SLC35F4: variants seen among roughly 807,000 people sequenced by gnomAD.
SLC35F4 encodes the protein chromosome 14 open reading frame 36.
In SLC35F4, 24 loss-of-function variants were observed where a neutral mutation model predicts 44.2. That is an observed-to-expected ratio of 0.54 (90% CI 0.39 to 0.76). The LOEUF (loss-of-function observed/expected upper bound fraction) is 0.76, where lower values mean the gene tolerates loss of function less well. Ranked by LOEUF, SLC35F4 falls within the 30% of genes least tolerant of loss-of-function variation. The probability of loss-of-function intolerance (pLI) is 0.00; values close to 1 mark genes in which losing one functional copy is unlikely to be tolerated. For missense variants in SLC35F4, 562 were observed against 586.1 expected (o/e 0.96, Z 0.42); for synonymous variants, 238 against 223.6 (o/e 1.06, Z -0.57).
At chr14:57,767,644 C>A (rs2077265952) in intron 1 of SLC35F4, among the ~76,000 whole-genome samples, 1 of 151,152 alleles carries the variant, frequency 6.6e-6, no homozygotes. Context: ...AAAATAAATC[C>A]AAGCAAATAT....
chr14:57,786,317 G>C (rs1165345274), intron 1 of SLC35F4, among the ~76,000 whole-genome samples: 5 of 152,056 alleles, frequency 3.3e-5, no homozygotes, highest in Admixed American at 2.0e-4. Context: ...CCCACCTAAT[G>C]GTCCTTCCCT....
At chr14:57,877,893 C>T (rs545956589) in intron 1 of SLC35F4, among the ~76,000 whole-genome samples, 11 of 151,942 alleles carry the variant, frequency 7.2e-5, no homozygotes, top group African/African-American at 2.7e-4. Flanking sequence ...CCATGTTGGC[C>T]AGGCTGGTCT....
chr14:57,944,908 G>A (rs949174164), intron 1 of SLC35F4, among the ~76,000 whole-genome samples: 1 of 152,190 alleles, frequency 6.6e-6, no homozygotes, highest in Non-Finnish European at 1.5e-5. Flanking sequence ...CACAAAGGCT[G>A]TACAACCTTA....
At chr14:57,809,756 G>C (rs1160197340) in intron 1 of SLC35F4, among the ~76,000 whole-genome samples, 1 of 152,154 alleles carries the variant, frequency 6.6e-6, no homozygotes, top group South Asian at 2.1e-4. Flanking sequence ...GCCCCACACG[G>C]CTTGATTATT....
At position 57,633,666 on chromosome 14, in the gene SLC35F4, C is replaced by G. The variant is rs181519822; in HGVS notation, c.104-39542G>C. ...AACAGTTTCATCACCCCCAAACTCT[C>G]TCACGCTTTCCCTTTTTAGTCTCCC... On this transcript the variant is annotated intron_variant, in intron 1 of 7. Coordinates refer to ENST00000556826, the MANE Select transcript of SLC35F4 (RefSeq NM_001306087.2). Among the ~76,000 whole-genome samples the G allele has an allele frequency of 5.9e-5, 9 of 152,222 alleles. No homozygotes were observed. In the East Asian group the frequency reaches 1.2e-3, roughly 20 times the overall value.
At chr14:57,951,884 T>C (rs1436157723) in intron 1 of SLC35F4, among the ~76,000 whole-genome samples, 3 of 152,212 alleles carry the variant, frequency 2.0e-5, no homozygotes, top group Non-Finnish European at 4.4e-5. Context: ...TGTTTCTGCC[T>C]GCCAGCTCTG....
chr14:57,946,038 G>A (rs545169558), intron 1 of SLC35F4, among the ~76,000 whole-genome samples: 54 of 152,210 alleles, frequency 3.5e-4, no homozygotes, highest in South Asian at 1.7e-3. Context: ...TTTGTTGGAC[G>A]CATAGTTTGC....
intron 1 of SLC35F4, among the ~76,000 whole-genome samples, chr14:57,709,910 T>C (rs1335934727): frequency 6.6e-6 from 1 of 152,152 alleles, no homozygotes; most frequent in African/African-American, 2.4e-5. Flanking sequence ...GTTTGGAGAA[T>C]TTACAGCCTG....
At chr14:57,641,215 G>A (rs79583392) in intron 1 of SLC35F4, among the ~76,000 whole-genome samples, 2,844 of 151,890 alleles carry the variant, frequency 0.019, 103 homozygotes, top group African/African-American at 0.065. Context: ...TCAGAGGAAC[G>A]ATGATCATAA....
chr14:57,937,489 T>A (rs1889819048), intron 1 of SLC35F4, among the ~76,000 whole-genome samples: 1 of 150,232 alleles, frequency 6.7e-6, no homozygotes. Flanking sequence ...GAGGTCATAA[T>A]AATAGGTTAT....
rs539864245 is a variant in SLC35F4, at chr14:57,606,614, A to T, written c.104-12490T>A. Among the ~76,000 whole-genome samples, 20 of 152,348 alleles carry T rather than the reference A, an allele frequency of 1.3e-4. No homozygotes were observed. The East Asian group carries it at 3.9e-3, about 29-fold the overall frequency. On this transcript the variant is annotated intron_variant, in intron 1 of 7. Coordinates refer to ENST00000556826, the MANE Select transcript of SLC35F4 (RefSeq NM_001306087.2). ...CTTATTTACCTACATACAAGTGTAT[A>T]CAAAGAGTACTAAAATCCTTATGGA... is the stretch of plus-strand genomic sequence containing the variant.
rs2076874412 is a variant in SLC35F4, at chr14:57,751,103, TATTTC to T, written c.103+114615_103+114619del. On this transcript the variant is annotated intron_variant, in intron 1 of 7. Transcript: ENST00000556826. ...CATGGGGCAGGGACTTTATGTAAATTATTTCATTTAACTCATAAAAACTACATAAA... is the reference window on the plus strand; with the variant it reads ...CATGGGGCAGGGACTTTATGTAAATTATTTAACTCATAAAAACTACATAAA... Among the ~76,000 whole-genome samples, 3 of 152,300 alleles carry T rather than the reference TATTTC, an allele frequency of 2.0e-5. No individual in the cohort carries two copies. The South Asian group carries it at 6.2e-4, about 32-fold the overall frequency.
Position 57,858,314 on chromosome 14 carries a change from A to G in SLC35F4, c.103+7409T>C, listed in dbSNP as rs528643291. Among the ~76,000 whole-genome samples the G allele has an allele frequency of 3.7e-3, 559 of 152,190 alleles. 9 individuals are homozygous for G. The highest frequency in any genetic ancestry group is 0.012 in the African/African-American group (509 of 41,426). ...ATAAATGATAGACTGGATTAAGAAA[A>G]TGTGGCACATATACACCATGGAATA... On this transcript the variant is annotated intron_variant, in intron 1 of 7. Coordinates refer to ENST00000556826, the MANE Select transcript of SLC35F4 (RefSeq NM_001306087.2).
chr14:57,865,665 C>T, intron 1 of SLC35F4, 58 bp downstream of exon 1: 1 of 1,417,072 alleles, frequency 7.1e-7, no homozygotes, highest in Non-Finnish European at 9.4e-7. Context: ...CCCCGCGGCA[C>T]CCCTGCGCGC....
chr14:57,939,574 A>T (rs1442856320), intron 1 of SLC35F4, among the ~76,000 whole-genome samples: 1 of 152,222 alleles, frequency 6.6e-6, no homozygotes, highest in Non-Finnish European at 1.5e-5. Flanking sequence ...ACAACATTTT[A>T]GAAAAGAAAT....
chr14:57,725,544 T>C (rs1185472912), intron 1 of SLC35F4, among the ~76,000 whole-genome samples: 1 of 152,228 alleles, frequency 6.6e-6, no homozygotes, highest in Non-Finnish European at 1.5e-5. Context: ...TCTGCCATTA[T>C]GGTATTCCAC....
At chr14:57,849,406 C>G (rs926142707) in intron 1 of SLC35F4, among the ~76,000 whole-genome samples, 1 of 152,170 alleles carries the variant, frequency 6.6e-6, no homozygotes, top group Non-Finnish European at 1.5e-5. Context: ...AGGTGATCCA[C>G]CTGCCTCGGC....
intron 1 of SLC35F4, among the ~76,000 whole-genome samples, chr14:57,952,376 T>C (rs376802468): frequency 9.5e-4 from 144 of 152,240 alleles, no homozygotes; most frequent in African/African-American, 3.1e-3. Context: ...AGAATGCCTC[T>C]TCTCCTCCAA....
At chr14:57,871,849 A>T (rs936928035) in intron 1 of SLC35F4, among the ~76,000 whole-genome samples, 3 of 152,242 alleles carry the variant, frequency 2.0e-5, no homozygotes, top group Admixed American at 6.5e-5. Flanking sequence ...TCTGATACAT[A>T]CAAAGTAAAG....
Sources: allele counts gnomAD v4.1 joint callset (sites outside exome capture counted in the v4.1 genomes callset), GRCh38; gene constraint gnomAD v4.1.1; transcripts MANE v1.5; gene names NCBI Gene and HGNC (gene_info 2026-07-23, HGNC 2026-07-21).